The following LPA variants were observed in gnomAD, a reference collection of about 807,000 sequenced individuals.
The protein encoded by LPA is lipoprotein(a), also known as apolipoprotein(a).
Under a neutral mutation model 197.9 loss-of-function variants are expected in LPA, and 199 were observed. The observed-to-expected ratio is 1.01, with a 90% CI of 0.90 to 1.13. LPA has a LOEUF of 1.13. LPA is among the 50% of genes most tolerant of loss of function. The pLI, the probability that LPA is intolerant of heterozygous loss-of-function variation, is 0.00. For missense variants in LPA, 1,853 were observed against 1,785.8 expected (o/e 1.04, Z -0.68); for synonymous variants, 715 against 639.5 (o/e 1.12, Z -1.78).
At chr6:160,574,920 G>A (rs941418339) in intron 28 of LPA, among the ~76,000 whole-genome samples, 2 of 152,100 alleles carry the variant, frequency 1.3e-5, no homozygotes, top group Admixed American at 6.6e-5. Flanking sequence ...CCTCCTGTCT[G>A]CCACGATCCC....
intron 28 of LPA, among the ~76,000 whole-genome samples, chr6:160,574,304 G>T (rs755466916): frequency 2.0e-4 from 30 of 152,246 alleles, no homozygotes; most frequent in Middle Eastern, 3.4e-3. Flanking sequence ...AGTCAGGCTT[G>T]AAAACTTGCC....
intron 37 of LPA, among the ~76,000 whole-genome samples, 187 bp downstream of exon 37, chr6:160,537,668 C>T (rs976396455): frequency 2.0e-5 from 3 of 152,236 alleles, no homozygotes; most frequent in East Asian, 1.9e-4. Context: ...GAAATGGCAC[C>T]GCTCCCCTTG....
At chr6:160,656,882 G>A (rs1249191114) in intron 1 of LPA, among the ~76,000 whole-genome samples, 1 of 152,092 alleles carries the variant, frequency 6.6e-6, no homozygotes, top group Non-Finnish European at 1.5e-5. Flanking sequence ...AATCAAGTAG[G>A]AATACAGTAG....
chr6:160,549,016 T>C (rs1778126553), intron 30 of LPA, among the ~76,000 whole-genome samples: 1 of 152,152 alleles, frequency 6.6e-6, no homozygotes, highest in Admixed American at 6.5e-5. Flanking sequence ...TTTACAGTCA[T>C]GGCAGAAGGC....
rs76285645 is a variant in LPA, at chr6:160,580,198, A to T, written c.4290-1494T>A. On this transcript the variant is annotated intron_variant, in intron 26 of 38. Coordinates refer to ENST00000316300, the MANE Select transcript of LPA (RefSeq NM_005577.4). ...TTTGAGGTTTGTTCATGCTTCTGAG[A>T]CTATCAGTAACTTGTTCCTTGTTGA... Among the ~76,000 whole-genome samples the T allele has an allele frequency of 5.4e-3, 818 of 152,334 alleles. 15 individuals are homozygous for T. The highest frequency in any genetic ancestry group is 0.019 in the African/African-American group (803 of 41,586).
chr6:160,589,556 T>C lies in LPA; in HGVS notation c.3944A>G (p.Asn1315Ser). The C allele has an allele frequency of 6.2e-7, 1 of 1,613,438 alleles. No homozygotes were observed. The highest frequency in any genetic ancestry group is 8.5e-7 in the Non-Finnish European group (1 of 1,179,662). Residue 1315 changes from asparagine (N) to serine (S), a missense_variant, in exon 24 of 39, where the codon AAT (asparagine) becomes AGT (serine). By Grantham distance (46) the Asn-to-Ser change is conservative. Transcript: ENST00000316300. ...WHQRTTEYYPNGGLTRNYCRN... is the reference protein window; with the variant it reads ...WHQRTTEYYPSGGLTRNYCRN... ...GGGAGAAAACTCAAAGACATACCCA[T>C]TTGGGTAGTATTCTGTGGTTCTCTG...
chr6:160,558,051 C>T (rs191243877), intron 28 of LPA, among the ~76,000 whole-genome samples: 288 of 152,048 alleles, frequency 1.9e-3, no homozygotes, highest in Middle Eastern at 0.01. Flanking sequence ...TCCTGAGTAG[C>T]TGGGACTACA....
intron 36 of LPA, among the ~76,000 whole-genome samples, 169 bp downstream of exon 36, chr6:160,539,874 C>G (rs1247007278): frequency 6.6e-6 from 1 of 152,150 alleles, no homozygotes; most frequent in African/African-American, 2.4e-5. Flanking sequence ...GCACAACTAA[C>G]ATGTGGCAGG....
chr6:160,647,248 TA>T (rs1779907654), intron 2 of LPA, among the ~76,000 whole-genome samples: 1 of 152,140 alleles, frequency 6.6e-6, no homozygotes, highest in South Asian at 2.1e-4. Flanking sequence ...GTCGGACAGC[TA>T]TGGAGGAGCA....
intron 1 of LPA, among the ~76,000 whole-genome samples, chr6:160,654,729 A>G (rs1295187139): frequency 6.6e-6 from 1 of 152,230 alleles, no homozygotes; most frequent in Non-Finnish European, 1.5e-5. Flanking sequence ...GCTGATGTGA[A>G]GTCCATAAAT....
intron 24 of LPA, among the ~76,000 whole-genome samples, chr6:160,587,354 G>A (rs1211192759): frequency 1.1e-4 from 17 of 152,036 alleles, no homozygotes; most frequent in Non-Finnish European, 2.4e-4. Flanking sequence ...TCATTGGTTT[G>A]GACTATTTCC....
At chr6:160,580,591 T>C (rs1487009089) in intron 26 of LPA, among the ~76,000 whole-genome samples, 1 of 152,212 alleles carries the variant, frequency 6.6e-6, no homozygotes, top group Non-Finnish European at 1.5e-5. Flanking sequence ...TGTGTCTTCT[T>C]AATGATATCC....
At position 160,578,554 on chromosome 6, in the gene LPA, C is replaced by A. The variant is rs898664310; in HGVS notation, c.4440G>T (p.Pro1480=). 1.2e-5 allele frequency: 19 copies of A among 1,613,752 alleles called. No homozygotes were observed. Among genetic ancestry groups the A allele is most frequent in the Admixed American group, 1.7e-5 (1 of 59,988 alleles). ...CAGAAGGAGCCTCTGTGCTTGGAAC[C>A]GGGGCCACTGTGGGAGTTGTGAGGA... is the stretch of plus-strand genomic sequence containing the variant. The part of the protein sequence containing the change: ...SSVLTTPTVA[P]VPSTEAPSEQ... The change falls in exon 27 of 39, where the codon CCG becomes CCT. Residue 1480 remains proline, a synonymous_variant. Transcript: ENST00000316300.
chr6:160,592,418 T>A (rs1057488169), intron 22 of LPA, among the ~76,000 whole-genome samples: 1 of 152,230 alleles, frequency 6.6e-6, no homozygotes, highest in African/African-American at 2.4e-5. Context: ...TTTCTGATAT[T>A]ATGCATTCAT....
At chr6:160,599,402 G>T in intron 20 of LPA, 98 bp downstream of exon 20, 1 of 1,540,054 alleles carries the variant, frequency 6.5e-7, no homozygotes. Flanking sequence ...CTGCATCTGA[G>T]CCAAGTTGAG....
intron 28 of LPA, among the ~76,000 whole-genome samples, chr6:160,572,622 A>G (rs1365014907): frequency 6.8e-6 from 1 of 148,094 alleles, no homozygotes; most frequent in Non-Finnish European, 1.5e-5. Flanking sequence ...TTCTCTTAGC[A>G]TTTGTTTGTC....
chr6:160,580,725 T>TATTCAAGC (rs1401573740), intron 26 of LPA, among the ~76,000 whole-genome samples: 1 of 152,230 alleles, frequency 6.6e-6, no homozygotes, highest in Admixed American at 6.5e-5. Context: ...AAGAAATGAC[T>TATTCAAGC]ATTCAAGCCT....
chr6:160,597,580 C>G (rs186194000), intron 20 of LPA, among the ~76,000 whole-genome samples: 20 of 152,248 alleles, frequency 1.3e-4, no homozygotes, highest in African/African-American at 4.6e-4. Context: ...ATTGGGAGAC[C>G]ATCCAGTGAA....
At position 160,585,073 on chromosome 6, in the gene LPA, C is replaced by A; in HGVS notation, c.4262G>T (p.Arg1421Leu). Residue 1421 changes from arginine (R) to leucine (L), a missense_variant, in exon 26 of 39, where the codon CGG becomes CTG. Transcript: ENST00000316300. ...SWSSMTPHWH[R>L]RIPLYYPNAG... ...ATTTGGATAGTATAATGGGATCCTC[C>A]GATGCCAATGTGGTGTCATAGACGA... 6.2e-7 allele frequency: 1 copy of A among 1,613,724 alleles called. No individual in the cohort carries two copies. Among genetic ancestry groups the A allele is most frequent in the Non-Finnish European group, 8.5e-7 (1 of 1,179,734 alleles).
Sources: gnomAD v4.1 joint callset for allele counts (sites outside exome capture counted in the v4.1 genomes callset) on GRCh38, gnomAD v4.1.1 for gene constraint, MANE v1.5 for transcripts, NCBI Gene and HGNC (gene_info 2026-07-23, HGNC 2026-07-21) for gene names.